MDGA2: variants seen among roughly 807,000 people sequenced by gnomAD.
MDGA2 encodes MAM domain-containing glycosylphosphatidylinositol anchor protein 2.
A neutral mutation model predicts 117.8 loss-of-function variants in MDGA2; 40 were observed. The ratio of observed to expected loss-of-function variants is 0.34; its 90% CI spans 0.26 to 0.44. The LOEUF (loss-of-function observed/expected upper bound fraction) is 0.44, where lower values mean the gene tolerates loss of function less well. MDGA2 is among the 20% of genes least tolerant of loss of function. MDGA2 has a pLI of 1.00. For synonymous variants in MDGA2, 452 were observed against 439.0 expected (o/e 1.03, Z -0.37); for missense variants, 1,123 against 1,250.6 (o/e 0.90, Z 1.54).
intron 6 of MDGA2, among the ~76,000 whole-genome samples, chr14:47,066,530 C>T (rs910074139): frequency 6.6e-6 from 1 of 152,164 alleles, no homozygotes; most frequent in African/African-American, 2.4e-5. Flanking sequence ...GAAGAGAATT[C>T]TGTACACAAC....
At chr14:46,984,863 T>G (rs1886807068) in intron 8 of MDGA2, among the ~76,000 whole-genome samples, 1 of 152,092 alleles carries the variant, frequency 6.6e-6, no homozygotes, top group Non-Finnish European at 1.5e-5. Flanking sequence ...TGGCAAAACT[T>G]AAGCTTGGAC....
chr14:47,430,598 T>A (rs539957991), intron 1 of MDGA2, among the ~76,000 whole-genome samples: 1 of 152,214 alleles, frequency 6.6e-6, no homozygotes, highest in South Asian at 2.1e-4. Flanking sequence ...TATTACTTTA[T>A]TGAATCACAA....
At chr14:46,853,074 T>G (rs1881126267) in intron 15 of MDGA2, among the ~76,000 whole-genome samples, 1 of 151,964 alleles carries the variant, frequency 6.6e-6, no homozygotes, top group African/African-American at 2.4e-5. Context: ...TTATTATAAC[T>G]GGATTTCATA....
At chr14:47,243,724 T>C (rs565888414) in intron 2 of MDGA2, among the ~76,000 whole-genome samples, 4 of 151,796 alleles carry the variant, frequency 2.6e-5, no homozygotes, top group Admixed American at 2.6e-4. Context: ...ACGCGCCACC[T>C]TAAGAGCTGT....
intron 12 of MDGA2, 35 bp from the exon 13 acceptor site, chr14:46,874,235 AAATT>A (rs771576287): frequency 7.9e-6 from 8 of 1,007,036 alleles, no homozygotes; most frequent in Non-Finnish European, 9.4e-6. Context: ...AATATTAATT[AAATT>A]AATACACATA....
chr14:47,254,904 G>T (rs1208510215), intron 2 of MDGA2, among the ~76,000 whole-genome samples: 1 of 152,214 alleles, frequency 6.6e-6, no homozygotes, highest in Non-Finnish European at 1.5e-5. Context: ...CATAGCAGCA[G>T]GAGAGAGAAG....
chr14:47,208,436 G>A (rs1292870173), intron 3 of MDGA2, among the ~76,000 whole-genome samples: 3 of 151,324 alleles, frequency 2.0e-5, no homozygotes, highest in Non-Finnish European at 4.4e-5. Flanking sequence ...TAAAATACGT[G>A]GGAAAAAAAC....
intron 7 of MDGA2, among the ~76,000 whole-genome samples, chr14:47,044,351 A>T (rs1224049070): frequency 6.6e-6 from 1 of 152,210 alleles, no homozygotes; most frequent in African/African-American, 2.4e-5. Context: ...AGGTAGAAAT[A>T]ATACACTAAA....
intron 3 of MDGA2, among the ~76,000 whole-genome samples, chr14:47,176,448 C>G (rs1380026543): frequency 6.6e-6 from 1 of 152,120 alleles, no homozygotes; most frequent in Non-Finnish European, 1.5e-5. Context: ...GGTACCAAAA[C>G]AGATATATAG....
intron 10 of MDGA2, among the ~76,000 whole-genome samples, chr14:46,896,431 T>G (rs3007102): frequency 0.61 from 93,370 of 151,878 alleles, 29,911 homozygotes; most frequent in Admixed American, 0.73. Context: ...TCATAGAAAT[T>G]GTACAACATT....
At position 47,477,019 on chromosome 14, in the gene MDGA2, G is replaced by A. The variant is rs182138475; in HGVS notation, c.281-175469C>T. On this transcript the variant is annotated intron_variant, in intron 1 of 16. Transcript: ENST00000399232. ...TCTACTAAAACTGCAAAAATTTGCC[G>A]AGCGTGGTGGCGCACGCCTGTAATC... 8.8e-4 allele frequency among the ~76,000 whole-genome samples: 134 copies of A among 152,222 alleles called. 1 individual carries two copies. The highest frequency in any genetic ancestry group is 6.8e-3 in the South Asian group (33 of 4,824).
intron 1 of MDGA2, among the ~76,000 whole-genome samples, chr14:47,373,937 A>G (rs1891421460): frequency 1.3e-5 from 2 of 152,146 alleles, no homozygotes; most frequent in Non-Finnish European, 2.9e-5. Flanking sequence ...AAACCTTATA[A>G]TAAGCCATCA....
intron 10 of MDGA2, among the ~76,000 whole-genome samples, chr14:46,919,551 C>T (rs1440716526): frequency 4.6e-5 from 7 of 152,164 alleles, no homozygotes; most frequent in Admixed American, 4.6e-4. Flanking sequence ...TTCTATTTCT[C>T]AGACATATTA....
chr14:47,087,460 C>CAAAA (rs749371957), intron 6 of MDGA2, among the ~76,000 whole-genome samples: 2,794 of 67,860 alleles, frequency 0.041, 180 homozygotes, highest in African/African-American at 0.1. Flanking sequence ...GACTCCACAT[C>CAAAA]AAAAAAAAAA....
chr14:47,664,512 C>T (rs1897906529), intron 1 of MDGA2, among the ~76,000 whole-genome samples: 1 of 152,228 alleles, frequency 6.6e-6, no homozygotes, highest in African/African-American at 2.4e-5. Flanking sequence ...TCAGCCCACT[C>T]TCCTAAGAGT....
chr14:46,858,523 G>C (rs1185455346), intron 14 of MDGA2, among the ~76,000 whole-genome samples: 4 of 149,790 alleles, frequency 2.7e-5, no homozygotes, highest in Non-Finnish European at 5.9e-5. Context: ...CGCCTCCCGG[G>C]TTCACGCCAT....
At chr14:47,336,456 C>A (rs186119060) in intron 1 of MDGA2, among the ~76,000 whole-genome samples, 1 of 152,078 alleles carries the variant, frequency 6.6e-6, no homozygotes. Context: ...GAAATACTTG[C>A]ATCCTCCTAA....
intron 10 of MDGA2, among the ~76,000 whole-genome samples, chr14:46,902,342 T>C (rs1335485357): frequency 6.6e-6 from 1 of 152,172 alleles, no homozygotes; most frequent in African/African-American, 2.4e-5. Context: ...ACTTTGCAGA[T>C]ATATGGAACC....
intron 9 of MDGA2, among the ~76,000 whole-genome samples, chr14:46,941,744 GTT>G (rs1566537002): frequency 1.3e-5 from 2 of 152,120 alleles, no homozygotes. Context: ...TCTGTATTCA[GTT>G]TTCTTTGTTC....
Sources: gnomAD v4.1 joint callset for allele counts (sites outside exome capture counted in the v4.1 genomes callset) on GRCh38, gnomAD v4.1.1 for gene constraint, MANE v1.5 for transcripts, NCBI Gene and HGNC (gene_info 2026-07-23, HGNC 2026-07-21) for gene names.